Variants in CCSER1 observed in about 807,000 individuals in gnomAD.
CCSER1 encodes the protein serine-rich coiled-coil domain-containing protein 1.
In CCSER1, 41 loss-of-function variants were observed where a neutral mutation model predicts 82.0. That is an observed-to-expected ratio of 0.50 (90% CI 0.39 to 0.65). CCSER1 has a LOEUF of 0.65. Ranked by LOEUF, CCSER1 falls within the 30% of genes least tolerant of loss-of-function variation. The pLI is 0.00. For missense variants in CCSER1, 1,119 were observed against 1,064.2 expected (o/e 1.05, Z -0.72); for synonymous variants, 414 against 383.9 (o/e 1.08, Z -0.92).
intron 10 of CCSER1, among the ~76,000 whole-genome samples, chr4:91,286,210 C>T (rs1743262969): frequency 6.6e-6 from 1 of 151,724 alleles, no homozygotes; most frequent in Non-Finnish European, 1.5e-5. Flanking sequence ...TGTGAATCTA[C>T]AATGACAGGA....
chr4:90,704,487 G>A (rs140038101), intron 6 of CCSER1, among the ~76,000 whole-genome samples: 1,557 of 152,184 alleles, frequency 0.01, 30 homozygotes, highest in African/African-American at 0.036. Context: ...TCTTTGTGGC[G>A]TTCTCTGCAT....
At chr4:90,757,573 G>C (rs1420523544) in intron 7 of CCSER1, among the ~76,000 whole-genome samples, 1 of 152,166 alleles carries the variant, frequency 6.6e-6, no homozygotes, top group African/African-American at 2.4e-5. Flanking sequence ...AAGGTAATGA[G>C]ACCCTGGTTC....
At chr4:90,442,464 A>G (rs1760028770) in intron 4 of CCSER1, among the ~76,000 whole-genome samples, 1 of 147,234 alleles carries the variant, frequency 6.8e-6, no homozygotes, top group Non-Finnish European at 1.5e-5. Context: ...CTAGTTCCAC[A>G]GAGTTTTCAG....
At chr4:90,292,603 A>C (rs1312104105) in intron 1 of CCSER1, among the ~76,000 whole-genome samples, 2 of 151,990 alleles carry the variant, frequency 1.3e-5, no homozygotes, top group Non-Finnish European at 2.9e-5. Context: ...ACATGACTGA[A>C]TGGAAATCAG....
At chr4:91,404,848 G>T (rs1752589335) in intron 10 of CCSER1, among the ~76,000 whole-genome samples, 1 of 152,172 alleles carries the variant, frequency 6.6e-6, no homozygotes, top group Non-Finnish European at 1.5e-5. Context: ...GTGCAATGAG[G>T]TGATGAGAAG....
intron 8 of CCSER1, among the ~76,000 whole-genome samples, chr4:90,887,527 T>TC (rs1194466263): frequency 6.6e-6 from 1 of 152,212 alleles, no homozygotes; most frequent in Non-Finnish European, 1.5e-5. Context: ...AATTCATATA[T>TC]TCGGGAACCT....
At chr4:91,146,229 A>G (rs1326159201) in intron 10 of CCSER1, among the ~76,000 whole-genome samples, 1 of 152,146 alleles carries the variant, frequency 6.6e-6, no homozygotes, top group Non-Finnish European at 1.5e-5. Context: ...AAGACTTCCA[A>G]ATATATTTTG....
At chr4:91,477,149 A>G (rs554525336) in intron 10 of CCSER1, among the ~76,000 whole-genome samples, 1 of 151,916 alleles carries the variant, frequency 6.6e-6, no homozygotes. Flanking sequence ...AATGGGAGAA[A>G]ATATTTACAA....
chr4:90,277,546 TAAAC>T (rs1728060462), intron 1 of CCSER1, among the ~76,000 whole-genome samples: 2 of 152,198 alleles, frequency 1.3e-5, no homozygotes, highest in South Asian at 4.1e-4. Flanking sequence ...CATCTGATCT[TAAAC>T]AAACTCAACA....
chr4:91,014,589 A>G (rs150558961), intron 9 of CCSER1, among the ~76,000 whole-genome samples: 1,111 of 94,354 alleles, frequency 0.012, 245 homozygotes, highest in Middle Eastern at 0.024. Context: ...CCTTATCTGA[A>G]GCAGTTATAC....
chr4:91,089,127 C>T (rs536562592), intron 10 of CCSER1, among the ~76,000 whole-genome samples: 21 of 152,182 alleles, frequency 1.4e-4, no homozygotes, highest in Middle Eastern at 3.4e-3. Flanking sequence ...CAATTTCTGT[C>T]CCTTTTGAGG....
intron 10 of CCSER1, among the ~76,000 whole-genome samples, chr4:91,505,112 C>T (rs758763959): frequency 9.2e-5 from 14 of 152,082 alleles, no homozygotes; most frequent in Non-Finnish European, 1.6e-4. Flanking sequence ...CACTGACAGG[C>T]CCCAGTGTGT....
At chr4:90,346,458 CTTAGA>C (rs1286460124) in intron 3 of CCSER1, among the ~76,000 whole-genome samples, 1 of 151,852 alleles carries the variant, frequency 6.6e-6, no homozygotes, top group African/African-American at 2.4e-5. Flanking sequence ...TCAGTGAAAG[CTTAGA>C]TTATACTCAA....
chr4:90,780,347 C>T (rs763211510), intron 7 of CCSER1: 7 of 1,251,938 alleles, frequency 5.6e-6, no homozygotes, highest in Non-Finnish European at 7.9e-6. Context: ...TCTTTAAGAA[C>T]ATTTAAGTTT....
At chr4:91,538,592 G>A (rs1761416133) in intron 10 of CCSER1, among the ~76,000 whole-genome samples, 1 of 150,140 alleles carries the variant, frequency 6.7e-6, no homozygotes, top group African/African-American at 2.5e-5. Context: ...CAGGACTGCT[G>A]TGCCTCCATT....
intron 1 of CCSER1, among the ~76,000 whole-genome samples, chr4:90,292,380 C>A (rs1392816939): frequency 2.6e-5 from 4 of 151,884 alleles, no homozygotes; most frequent in Non-Finnish European, 5.9e-5. Context: ...TTTAATAAAT[C>A]AGAGGGGCTC....
intron 10 of CCSER1, among the ~76,000 whole-genome samples, chr4:91,269,930 C>A (rs538297860): frequency 4.3e-4 from 65 of 152,064 alleles, no homozygotes; most frequent in Non-Finnish European, 8.7e-4. Flanking sequence ...CAAACCAAAT[C>A]CCCTGATAAG....
intron 10 of CCSER1, among the ~76,000 whole-genome samples, chr4:91,453,465 A>G (rs554703047): frequency 1.3e-5 from 2 of 152,060 alleles, no homozygotes; most frequent in South Asian, 4.1e-4. Flanking sequence ...TCTGTTACAA[A>G]TGTTTACTTT....
chr4:90,290,141 C>T lies in CCSER1; in HGVS notation c.-41-18103C>T, dbSNP rs191462878. Among the ~76,000 whole-genome samples the T allele has an allele frequency of 7.9e-5, 12 of 151,796 alleles. No individual in the cohort carries two copies. The East Asian group carries it at 2.1e-3, about 27-fold the overall frequency. ...ACTCCTGGTACATTTGAATTATTCT[C>T]TTCTAGCTATTTTGAAATGTATATT... is the stretch of plus-strand genomic sequence containing the variant. On this transcript the variant is annotated intron_variant, in intron 1 of 10. Coordinates refer to ENST00000509176, the MANE Select transcript of CCSER1 (RefSeq NM_001145065.2).
Sources: allele counts gnomAD v4.1 joint callset (sites outside exome capture counted in the v4.1 genomes callset), GRCh38; gene constraint gnomAD v4.1.1; transcripts MANE v1.5; gene names NCBI Gene and HGNC (gene_info 2026-07-23, HGNC 2026-07-21).